The following TTLL11 variants were observed in gnomAD, a reference collection of about 807,000 sequenced individuals.
TTLL11 encodes tubulin polyglutamylase TTLL11.
TTLL11 carries 42 observed loss-of-function variants against 51.7 expected under a neutral mutation model. The observed-to-expected ratio is 0.81, with a 90% CI of 0.64 to 1.05. The LOEUF (loss-of-function observed/expected upper bound fraction) is 1.05. TTLL11 is among the 50% of genes least tolerant of loss of function. The pLI is 0.00. For synonymous variants in TTLL11, 381 were observed against 383.5 expected, an observed-to-expected ratio of 0.99 and a Z score of 0.08; for missense variants, 799 against 940.4, an observed-to-expected ratio of 0.85 and a Z score of 1.97.
intron 3 of TTLL11, among the ~76,000 whole-genome samples, chr9:122,015,070 A>G (rs1212440503): frequency 6.6e-6 from 1 of 152,198 alleles, no homozygotes; most frequent in Admixed American, 6.5e-5. Context: ...AGAGATCATG[A>G]TACCTTCCCA....
At chr9:121,841,327 A>G (rs556061481) in intron 8 of TTLL11, among the ~76,000 whole-genome samples, 2 of 152,334 alleles carry the variant, frequency 1.3e-5, no homozygotes, top group Middle Eastern at 3.4e-3. Flanking sequence ...TCCTGCAGGT[A>G]GCAGGCAAAC....
intron 6 of TTLL11, among the ~76,000 whole-genome samples, chr9:121,888,659 T>C (rs1191164270): frequency 2.0e-5 from 3 of 152,238 alleles, no homozygotes; most frequent in Non-Finnish European, 2.9e-5. Flanking sequence ...TGCACAAAGA[T>C]ATGGCTTCAG....
chr9:121,837,405 TGAG>T (rs1342645603), intron 8 of TTLL11, among the ~76,000 whole-genome samples: 1 of 152,180 alleles, frequency 6.6e-6, no homozygotes, highest in African/African-American at 2.4e-5. Flanking sequence ...AAGATCTTTC[TGAG>T]GAGAGGAACT....
rs116335529 is a variant in TTLL11, at chr9:121,904,915, G to A, written c.1482-34167C>T. Among the ~76,000 whole-genome samples the A allele has an allele frequency of 5.3e-3, 803 of 152,298 alleles. 8 individuals are homozygous for A. The highest frequency in any genetic ancestry group is 0.017 in the African/African-American group (723 of 41,554). ...CCACCAGCGTCTAGTTGCCAGTATT[G>A]ACTCATGTATGGACGTCGATGCTCC... On this transcript the variant is annotated intron_variant, in intron 6 of 8. Transcript: ENST00000321582.
chr9:122,006,990 A>AC lies in TTLL11; in HGVS notation c.694-17221_694-17220insG, dbSNP rs1564354109. On this transcript the variant is annotated intron_variant, in intron 3 of 8. Transcript: ENST00000321582. Reference sequence around the variant, plus strand: ...GAGCGAGATACTCTGTCAAAAAAAAAAAAAAAAAAAAAAAAAAAACTTTTC... The same window carrying AC: ...GAGCGAGATACTCTGTCAAAAAAAAACAAAAAAAAAAAAAAAAAAACTTTTC... 2.9e-5 allele frequency among the ~76,000 whole-genome samples: 4 copies of AC among 138,778 alleles called. 1 individual carries two copies. Among genetic ancestry groups the AC allele is most frequent in the African/African-American group, 1.2e-4 (4 of 33,216 alleles). 91.0% of individuals were successfully genotyped at this position (138,778 alleles called of 152,430 possible).
chr9:122,043,162 G>T (rs979189007), intron 1 of TTLL11, among the ~76,000 whole-genome samples: 3 of 152,112 alleles, frequency 2.0e-5, no homozygotes, highest in Non-Finnish European at 4.4e-5. Flanking sequence ...TTTTGATGGT[G>T]GGGGAGGCTA....
intron 8 of TTLL11, among the ~76,000 whole-genome samples, chr9:121,823,649 A>T (rs557791607): frequency 2.0e-5 from 3 of 152,232 alleles, no homozygotes; most frequent in Non-Finnish European, 4.4e-5. Flanking sequence ...GTTCTATCTG[A>T]TAACAGAGAT....
intron 6 of TTLL11, among the ~76,000 whole-genome samples, chr9:121,952,825 G>A (rs142023791): frequency 2.0e-4 from 30 of 152,164 alleles, no homozygotes; most frequent in Middle Eastern, 3.4e-3. Context: ...GTCAAGCTCC[G>A]GATTCAGCCT....
At chr9:121,930,629 G>A (rs1840928705) in intron 6 of TTLL11, among the ~76,000 whole-genome samples, 1 of 152,208 alleles carries the variant, frequency 6.6e-6, no homozygotes, top group Non-Finnish European at 1.5e-5. Context: ...GCCGGCAGTG[G>A]CAGCGTCCTG....
At chr9:121,967,290 T>C (rs901630069) in intron 6 of TTLL11, among the ~76,000 whole-genome samples, 1 of 144,230 alleles carries the variant, frequency 6.9e-6, no homozygotes, top group Non-Finnish European at 1.5e-5. Flanking sequence ...AGTGGCTCCA[T>C]CTTGGCTCAT....
chr9:121,898,257 C>G (rs913132357), intron 6 of TTLL11, among the ~76,000 whole-genome samples: 1 of 152,202 alleles, frequency 6.6e-6, no homozygotes, highest in Non-Finnish European at 1.5e-5. Flanking sequence ...CCCCCACCCC[C>G]ACAGAGAGAA....
At chr9:121,990,308 T>C (rs572799642) in intron 3 of TTLL11, among the ~76,000 whole-genome samples, 7 of 151,560 alleles carry the variant, frequency 4.6e-5, no homozygotes, top group Admixed American at 2.0e-4. Flanking sequence ...CCCTGCAGCC[T>C]TGGACAAGTG....
rs946464946 is a variant in TTLL11 at position 121,853,696 on chromosome 9, C to A, written c.1840+6641G>T. On this transcript the variant is annotated intron_variant, in intron 8 of 8. Transcript: ENST00000321582. This position sits in a 1 kb window ranked among gnomAD's most constrained non-coding sequence, Gnocchi z 5.6. Reference sequence around the variant, plus strand: ...CTGCTTCACACAGCCATGGACGAGGCTGCCAGCACCACATTTCCTCTGTCT... The same window carrying A: ...CTGCTTCACACAGCCATGGACGAGGATGCCAGCACCACATTTCCTCTGTCT... Among the ~76,000 whole-genome samples, 1 of 152,186 alleles carries A rather than the reference C, an allele frequency of 6.6e-6. No individual in the cohort carries two copies. The highest frequency in any genetic ancestry group is 6.5e-5 in the Admixed American group (1 of 15,292).
chr9:121,856,110 C>T (rs114413522), intron 8 of TTLL11, among the ~76,000 whole-genome samples: 2,525 of 152,264 alleles, frequency 0.017, 81 homozygotes, highest in African/African-American at 0.058. Flanking sequence ...CTCTCTCTGT[C>T]ACCCAGGCTG....
At position 122,077,818 on chromosome 9, in the gene TTLL11, T is replaced by C. The variant is rs954606475; in HGVS notation, c.462+14869A>G. Among the ~76,000 whole-genome samples, 4 of 51,600 alleles carry C rather than the reference T, an allele frequency of 7.8e-5. No individual in the cohort carries two copies. In the East Asian group the frequency reaches 1.9e-3, roughly 24 times the overall value. 33.9% of individuals were successfully genotyped at this position (51,600 alleles called of 152,430 possible). A position where few individuals can be genotyped will look rare whatever the true frequency, so the allele number is the denominator to read the frequency against. On this transcript the variant is annotated intron_variant, in intron 1 of 8. Transcript: ENST00000321582. ...CAAAAACTGACCATGTATTAGACCA[T>C]AAAGCAAAAACCTGCAAAAAAAAAA... is the stretch of plus-strand genomic sequence containing the variant.
chr9:121,899,365 G>GTATGTATATATACATATA (rs1839664353), intron 6 of TTLL11, among the ~76,000 whole-genome samples: 1 of 113,242 alleles, frequency 8.8e-6, no homozygotes, highest in African/African-American at 3.3e-5. Context: ...ATGTGTGTGT[G>GTATGTATATATACATATA]TATATATATA....
chr9:121,984,279 C>A (rs1312609999), intron 4 of TTLL11, among the ~76,000 whole-genome samples: 1 of 152,132 alleles, frequency 6.6e-6, no homozygotes, highest in African/African-American at 2.4e-5. Context: ...TTTCTTACAA[C>A]TTTAAGGCAC....
chr9:121,921,356 G>A (rs557037769), intron 6 of TTLL11, among the ~76,000 whole-genome samples: 1 of 152,246 alleles, frequency 6.6e-6, no homozygotes, highest in East Asian at 1.9e-4. Context: ...TTAGATTAAG[G>A]AGCAATTAAC....
intron 6 of TTLL11, among the ~76,000 whole-genome samples, chr9:121,965,790 A>T (rs1242323036): frequency 6.6e-6 from 1 of 152,214 alleles, no homozygotes; most frequent in East Asian, 1.9e-4. Context: ...GGTGCCACCA[A>T]TTTAAGGGGC....
Sources: allele counts gnomAD v4.1 joint callset (sites outside exome capture counted in the v4.1 genomes callset), GRCh38; gene constraint gnomAD v4.1.1; non-coding constraint Gnocchi (gnomAD v3.1); transcripts MANE v1.5; gene names NCBI Gene and HGNC (gene_info 2026-07-23, HGNC 2026-07-21).